The following ABLIM1 variants were observed in gnomAD, a reference collection of about 807,000 sequenced individuals.
ABLIM1 encodes actin binding LIM protein 1.
Under a neutral mutation model 107.0 loss-of-function variants are expected in ABLIM1, and 40 were observed. The ratio of observed to expected loss-of-function variants is 0.37; its 90% confidence interval spans 0.29 to 0.49. The LOEUF is 0.49. ABLIM1 is among the 20% of genes least tolerant of loss of function. The pLI is 0.97. For missense variants in ABLIM1, 857 were observed against 1,008.5 expected (o/e 0.85, Z 2.04); for synonymous variants, 357 against 357.3 (o/e 1.00, Z 0.01).
chr10:114,764,632 G>A (rs2082839199), intron 1 of ABLIM1, among the ~76,000 whole-genome samples: 1 of 152,054 alleles, frequency 6.6e-6, no homozygotes, highest in African/African-American at 2.4e-5. Flanking sequence ...GTGAGCCACC[G>A]CACCCGGCCA....
chr10:114,697,084 G>C (rs11196884), intron 1 of ABLIM1, among the ~76,000 whole-genome samples: 18,599 of 152,040 alleles, frequency 0.12, 1,658 homozygotes, highest in East Asian at 0.42. Context: ...GGGCACTCTG[G>C]GGGAGGAAGG....
intron 1 of ABLIM1, among the ~76,000 whole-genome samples, chr10:114,699,365 C>T (rs930494085): frequency 2.6e-5 from 4 of 152,078 alleles, no homozygotes; most frequent in African/African-American, 9.7e-5. Context: ...AGAATATTTG[C>T]ATAATTTTAA....
chr10:114,698,865 C>A (rs1338260133), intron 1 of ABLIM1, among the ~76,000 whole-genome samples: 1 of 151,966 alleles, frequency 6.6e-6, no homozygotes, highest in Non-Finnish European at 1.5e-5. Context: ...GGAGAAAAAA[C>A]TAATTCCCAA....
At chr10:114,634,919 G>A (rs1321094463) in intron 1 of ABLIM1, among the ~76,000 whole-genome samples, 1 of 152,198 alleles carries the variant, frequency 6.6e-6, no homozygotes, top group Non-Finnish European at 1.5e-5. Flanking sequence ...CTTTGCCTCA[G>A]GGCAGAATTG....
chr10:114,759,999 T>G (rs1409221120), intron 1 of ABLIM1, among the ~76,000 whole-genome samples: 1 of 152,220 alleles, frequency 6.6e-6, no homozygotes, highest in Non-Finnish European at 1.5e-5. Context: ...CCACAAATTC[T>G]AATGTCCTTT....
At chr10:114,464,031 T>C (rs529059374) in intron 12 of ABLIM1, among the ~76,000 whole-genome samples, 2 of 152,272 alleles carry the variant, frequency 1.3e-5, no homozygotes, top group African/African-American at 2.4e-5. Context: ...ACATGAGCTT[T>C]TGGGGGAAGG....
At chr10:114,605,687 T>C (rs2076362673) in intron 1 of ABLIM1, among the ~76,000 whole-genome samples, 1 of 152,152 alleles carries the variant, frequency 6.6e-6, no homozygotes, top group Non-Finnish European at 1.5e-5. Flanking sequence ...GCACACTCTC[T>C]GAACAATGAG....
At chr10:114,638,622 T>TACACACACACAC (rs59605861) in intron 1 of ABLIM1, among the ~76,000 whole-genome samples, 2 of 143,750 alleles carry the variant, frequency 1.4e-5, no homozygotes, top group Admixed American at 7.0e-5. Context: ...ATGCCCTGCC[T>TACACACACACAC]ACACACACAC....
At chr10:114,741,140 C>A (rs1165514475) in intron 1 of ABLIM1, among the ~76,000 whole-genome samples, 1 of 149,726 alleles carries the variant, frequency 6.7e-6, no homozygotes, top group Non-Finnish European at 1.5e-5. Context: ...CTTCGGAAAC[C>A]ATTTACCATA....
intron 1 of ABLIM1, among the ~76,000 whole-genome samples, chr10:114,744,519 G>T (rs892812779): frequency 6.6e-6 from 1 of 152,170 alleles, no homozygotes; most frequent in South Asian, 2.1e-4. Flanking sequence ...GGTGGCATGC[G>T]CCTGGTGTCC....
At chr10:114,695,900 C>T (rs2081184991) in intron 1 of ABLIM1, among the ~76,000 whole-genome samples, 1 of 152,174 alleles carries the variant, frequency 6.6e-6, no homozygotes, top group Admixed American at 6.5e-5. Context: ...TTTCCAGACT[C>T]TTATTGCCAT....
intron 2 of ABLIM1, among the ~76,000 whole-genome samples, chr10:114,581,927 G>C (rs1425611323): frequency 6.6e-6 from 1 of 152,038 alleles, no homozygotes; most frequent in Non-Finnish European, 1.5e-5. Flanking sequence ...ATACTGAACA[G>C]GCAAAAGCTG....
intron 6 of ABLIM1, among the ~76,000 whole-genome samples, chr10:114,502,665 T>C (rs906634755): frequency 6.6e-6 from 1 of 152,060 alleles, no homozygotes; most frequent in African/African-American, 2.4e-5. Context: ...CCTGTCTAAT[T>C]TTTGTATTTT....
chr10:114,571,398 A>G lies in ABLIM1; in HGVS notation c.572T>C (p.Phe191Ser). ...GAATGTGACTCGGTCTCCGGGTGGAAACGGGCGCCTGGAGGCAGAAAGACA... is the reference window on the plus strand; with the variant it reads ...GAATGTGACTCGGTCTCCGGGTGGAGACGGGCGCCTGGAGGCAGAAAGACA... ...CFACTICKRP[F>S]PPGDRVTFNG... The change falls in exon 4 of 23, where the codon TTT (phenylalanine) becomes TCT (serine). Residue 191 changes from phenylalanine (F) to serine (S), a missense_variant. Physicochemically the swap from Phe to Ser is radical, Grantham distance 155. Around this residue, in one of 5 missense-constraint regions of ABLIM1, gnomAD observed 381 missense variants for 506.9 expected, o/e 0.75. Coordinates refer to ENST00000533213, the MANE Select transcript of ABLIM1 (RefSeq NM_002313.7). The G allele has an allele frequency of 6.2e-7, 1 of 1,614,194 alleles. No individual in the cohort carries two copies. Among genetic ancestry groups the G allele is most frequent in the Non-Finnish European group, 8.5e-7 (1 of 1,180,018 alleles).
In ABLIM1 at chr10:114,432,995, C is replaced by T. The variant is rs1020913386; in HGVS notation, c.*3265G>A. ...GTCACACAGAAAGACTATGTGATAG[C>T]CTGGATTTTCTTGAAGAAATTTTAA... On this transcript the variant is annotated 3_prime_UTR_variant, in exon 23 of 23. Coordinates refer to ENST00000533213, the MANE Select transcript of ABLIM1 (RefSeq NM_002313.7). The T allele has an allele frequency of 6.6e-6, 1 of 152,172 alleles. No homozygotes were observed. The highest frequency in any genetic ancestry group is 2.1e-4 in the South Asian group (1 of 4,824). 9.4% of individuals were successfully genotyped at this position (152,172 alleles called of 1,614,324 possible). A position where few individuals can be genotyped will look rare whatever the true frequency, so the allele number is the denominator to read the frequency against.
intron 4 of ABLIM1, among the ~76,000 whole-genome samples, chr10:114,561,868 G>A (rs911049136): frequency 6.6e-6 from 1 of 152,182 alleles, no homozygotes; most frequent in South Asian, 2.1e-4. Context: ...TCCCTATAAA[G>A]CAGGAATTTT....
chr10:114,701,242 C>A (rs2081302324), intron 1 of ABLIM1, among the ~76,000 whole-genome samples: 1 of 152,092 alleles, frequency 6.6e-6, no homozygotes, highest in South Asian at 2.1e-4. Context: ...CAACAAGATA[C>A]CACTATGCCA....
At chr10:114,556,585 A>T (rs886918817) in intron 4 of ABLIM1, among the ~76,000 whole-genome samples, 1 of 152,232 alleles carries the variant, frequency 6.6e-6, no homozygotes, top group Non-Finnish European at 1.5e-5. Context: ...TTTGTATAAG[A>T]GTTGGGCAGC....
chr10:114,768,131 G>A (rs2082950934), upstream of ABLIM1: 3 of 376,868 alleles, frequency 8.0e-6, no homozygotes, highest in Admixed American at 5.7e-5. Context: ...AGGGCGCGGG[G>A]AAGAAGGCAG....
Sources: gnomAD v4.1 joint callset for allele counts (sites outside exome capture counted in the v4.1 genomes callset) on GRCh38, gnomAD v4.1.1 for gene constraint, gnomAD v4.1.1 regional missense constraint, MANE v1.5 for transcripts, NCBI Gene and HGNC (gene_info 2026-07-23, HGNC 2026-07-21) for gene names.